The following RELN variants were observed in gnomAD, a reference collection of about 807,000 sequenced individuals.
RELN encodes reelin.
In RELN, 108 loss-of-function variants were observed where a neutral mutation model predicts 427.6. The ratio of observed to expected loss-of-function variants is 0.25; its 90% CI spans 0.22 to 0.30. RELN has a LOEUF of 0.30. Ranked by LOEUF, RELN falls within the 10% of genes least tolerant of loss-of-function variation. The pLI is 1.00. For synonymous variants in RELN, 1,524 were observed against 1,513.4 expected, an observed-to-expected ratio of 1.01 and a Z score of -0.16; for missense variants, 3,715 against 4,302.8, an observed-to-expected ratio of 0.86 and a Z score of 3.82.
intron 1 of RELN, among the ~76,000 whole-genome samples, chr7:103,982,532 G>T (rs1049088045): frequency 6.6e-6 from 1 of 152,136 alleles, no homozygotes; most frequent in African/African-American, 2.4e-5. Flanking sequence ...AAAAGAAAAA[G>T]AACAAAGTGG....
intron 53 of RELN, among the ~76,000 whole-genome samples, chr7:103,498,567 C>T (rs1033726681): frequency 5.9e-5 from 9 of 152,066 alleles, no homozygotes; most frequent in Non-Finnish European, 1.3e-4. Flanking sequence ...TCTCAACTAA[C>T]TGCAGCCTCT....
At chr7:103,938,283 G>C (rs775595461) in intron 1 of RELN, among the ~76,000 whole-genome samples, 1 of 151,754 alleles carries the variant, frequency 6.6e-6, no homozygotes, top group Non-Finnish European at 1.5e-5. Context: ...TTGCGCCATT[G>C]CACTCCATCT....
At chr7:103,803,342 T>C (rs1256039970) in intron 3 of RELN, among the ~76,000 whole-genome samples, 1 of 152,144 alleles carries the variant, frequency 6.6e-6, no homozygotes, top group Non-Finnish European at 1.5e-5. Flanking sequence ...ACATCTTAAC[T>C]CTTAATTCAT....
Position 103,565,267 on chromosome 7 carries a change from A to G in RELN, c.5210+11T>C. ...CAAAGTTCTGACATGTAGCCAAATG[A>G]CAATTCTCACATGGTGGAGAGTGGA... On this transcript the variant is annotated intron_variant, in intron 34 of 64. Transcript: ENST00000428762. 6.2e-7 allele frequency: 1 copy of G among 1,614,106 alleles called. No individual in the cohort carries two copies. The highest frequency in any genetic ancestry group is 8.5e-7 in the Non-Finnish European group (1 of 1,179,962).
chr7:103,926,736 C>T (rs1452266868), intron 1 of RELN, among the ~76,000 whole-genome samples: 1 of 150,424 alleles, frequency 6.6e-6, no homozygotes, highest in Admixed American at 6.6e-5. Context: ...GCTCTGCCTC[C>T]CGGGTTCACG....
rs1432833077 is a variant in RELN at position 103,968,123 on chromosome 7, G to T, written c.226+21008C>A. Reference sequence around the variant, plus strand: ...GGAAAAACTCAACTTGTATTTCATTGATCAAACAGAATACTTTCTACAAAG... The same window carrying T: ...GGAAAAACTCAACTTGTATTTCATTTATCAAACAGAATACTTTCTACAAAG... On this transcript the variant is annotated intron_variant, in intron 1 of 64. Transcript: ENST00000428762. The surrounding 1 kb of genome is among the most constrained non-coding windows in gnomAD (Gnocchi z 4.3). Among the ~76,000 whole-genome samples, 2 of 151,360 alleles carry T rather than the reference G, an allele frequency of 1.3e-5. No homozygotes were observed. The highest frequency in any genetic ancestry group is 2.9e-5 in the Non-Finnish European group (2 of 67,874).
chr7:103,594,062 G>GTATT (rs1831482603), intron 26 of RELN, among the ~76,000 whole-genome samples, 180 bp from the exon 27 acceptor site: 5 of 152,116 alleles, frequency 3.3e-5, no homozygotes, highest in Admixed American at 3.3e-4. Context: ...ACAACTGAAA[G>GTATT]TATTTTACCA....
At chr7:103,848,843 T>C (rs1346522936) in intron 2 of RELN, among the ~76,000 whole-genome samples, 1 of 152,244 alleles carries the variant, frequency 6.6e-6, no homozygotes, top group African/African-American at 2.4e-5. Flanking sequence ...TGATAGTTTT[T>C]AAAAATTATG....
chr7:103,564,266 G>T (rs1830699247), intron 34 of RELN, among the ~76,000 whole-genome samples: 2 of 152,224 alleles, frequency 1.3e-5, no homozygotes, highest in African/African-American at 4.8e-5. Context: ...GGTTGTACAT[G>T]TCTGGATCAG....
intron 4 of RELN, among the ~76,000 whole-genome samples, chr7:103,770,425 C>T (rs1367325429): frequency 6.6e-6 from 1 of 152,264 alleles, no homozygotes; most frequent in African/African-American, 2.4e-5. Flanking sequence ...GTAACCTCCT[C>T]TTCTTGAGAT....
intron 49 of RELN, among the ~76,000 whole-genome samples, chr7:103,518,239 T>C (rs1829614364): frequency 6.6e-6 from 1 of 152,154 alleles, no homozygotes; most frequent in Non-Finnish European, 1.5e-5. Context: ...TATATTGAAT[T>C]TAAATGATCA....
intron 8 of RELN, among the ~76,000 whole-genome samples, chr7:103,707,980 G>C (rs1196862446): frequency 6.6e-6 from 1 of 151,860 alleles, no homozygotes; most frequent in Non-Finnish European, 1.5e-5. Flanking sequence ...TTTCTATACA[G>C]TTGCTTCCTT....
chr7:103,833,644 G>T lies in RELN; in HGVS notation c.366C>A (p.Asn122Lys). Reference protein sequence around the residue: ...FGIMSDHQFGNQFMCSVVASH... With the variant: ...FGIMSDHQFGKQFMCSVVASH... ...AGGCTACCACACTGCACATAAACTG[G>T]TTACCAAACTGGTGGTCAGACATGA... Residue 122 changes from asparagine (N) to lysine (K), a missense_variant, in exon 3 of 65, where the codon AAC (asparagine) becomes AAA (lysine). Around this residue, in one of 4 missense-constraint regions of RELN, gnomAD observed 2,208 missense variants for 2,361.7 expected, o/e 0.93. Transcript: ENST00000428762. 6.2e-7 allele frequency: 1 copy of T among 1,613,816 alleles called. No homozygotes were observed. Among genetic ancestry groups the T allele is most frequent in the South Asian group, 1.1e-5 (1 of 91,066 alleles).
At chr7:103,796,113 G>A (rs1792292286) in intron 3 of RELN, among the ~76,000 whole-genome samples, 2 of 152,054 alleles carry the variant, frequency 1.3e-5, no homozygotes, top group African/African-American at 4.8e-5. Context: ...AAATATCCCT[G>A]GAGTTATATG....
At chr7:103,763,889 C>G (rs1562998644) in intron 4 of RELN, among the ~76,000 whole-genome samples, 1 of 151,388 alleles carries the variant, frequency 6.6e-6, no homozygotes, top group Non-Finnish European at 1.5e-5. Flanking sequence ...TGTGAAAGGC[C>G]TGAATAAAAA....
At chr7:103,691,204 A>G (rs373027643) in intron 10 of RELN, among the ~76,000 whole-genome samples, 6 of 152,284 alleles carry the variant, frequency 3.9e-5, no homozygotes, top group Admixed American at 2.6e-4. Flanking sequence ...AATCATATAA[A>G]GTCCTGAAGC....
At chr7:103,929,090 A>G (rs1331909390) in intron 1 of RELN, among the ~76,000 whole-genome samples, 1 of 152,144 alleles carries the variant, frequency 6.6e-6, no homozygotes, top group African/African-American at 2.4e-5. Flanking sequence ...CTCTTTTCTG[A>G]CTGCCTTTAG....
intron 20 of RELN, among the ~76,000 whole-genome samples, chr7:103,629,015 A>G (rs899677078): frequency 1.6e-4 from 24 of 151,902 alleles, no homozygotes; most frequent in African/African-American, 5.8e-4. Context: ...CGCCATGGTC[A>G]CTCTCGCCTG....
chr7:103,785,890 T>C (rs1792001940), intron 3 of RELN, among the ~76,000 whole-genome samples: 1 of 151,748 alleles, frequency 6.6e-6, no homozygotes, highest in African/African-American at 2.4e-5. Flanking sequence ...GGATTTAAGA[T>C]CAAAAGCTGT....
Sources: allele counts gnomAD v4.1 joint callset (sites outside exome capture counted in the v4.1 genomes callset), GRCh38; gene constraint gnomAD v4.1.1; regional missense constraint gnomAD v4.1.1; non-coding constraint Gnocchi (gnomAD v3.1); transcripts MANE v1.5; gene names NCBI Gene and HGNC (gene_info 2026-07-23, HGNC 2026-07-21).